Variants in GLB1 observed in about 807,000 individuals in gnomAD.
GLB1 encodes galactosidase beta 1, also known as beta-galactosidase.
In GLB1, 56 loss-of-function variants were observed where a neutral mutation model predicts 74.0. That is an observed-to-expected ratio of 0.76 (90% CI 0.61 to 0.94). The LOEUF (loss-of-function observed/expected upper bound fraction) is 0.94. Ranked by LOEUF, GLB1 falls within the 40% of genes least tolerant of loss-of-function variation. The pLI, the probability that GLB1 is intolerant of heterozygous loss-of-function variation, is 0.00. For synonymous variants in GLB1, 323 were observed against 323.6 expected (o/e 1.00, Z 0.02); for missense variants, 787 against 845.5 (o/e 0.93, Z 0.86).
chr3:33,009,518 C>G (rs1271474166), intron 15 of GLB1, among the ~76,000 whole-genome samples: 1 of 150,790 alleles, frequency 6.6e-6, no homozygotes, highest in Non-Finnish European at 1.5e-5. Context: ...GCAAGACTGT[C>G]TCAAAAAAAT....
the GLB1 span, among the ~76,000 whole-genome samples, chr3:32,978,633 A>G: frequency 6.6e-6 from 1 of 152,226 alleles, no homozygotes; most frequent in Non-Finnish European, 1.5e-5. Context: ...TGCTTGGCCA[A>G]CGGAAGTAAC....
At chr3:33,070,601 T>C (rs1202280430) in intron 2 of GLB1, among the ~76,000 whole-genome samples, 2 of 152,200 alleles carry the variant, frequency 1.3e-5, no homozygotes, top group South Asian at 4.1e-4. Context: ...CCCTGCACTC[T>C]GGGAGGCCAA....
rs1696353148 is a variant in GLB1, at chr3:32,997,360, C to T, written c.1735-16G>A. The T allele has an allele frequency of 1.2e-6, 2 of 1,611,740 alleles. No homozygotes were observed. Among genetic ancestry groups the T allele is most frequent in the African/African-American group, 2.7e-5 (2 of 74,814 alleles). Reference sequence around the variant, plus strand: ...AGACCTGGCCCTGGAGAGAGAGAGACAGAGAACCATCAACCCCAGATGCAC... The same window carrying T: ...AGACCTGGCCCTGGAGAGAGAGAGATAGAGAACCATCAACCCCAGATGCAC... On this transcript the variant is annotated splice_polypyrimidine_tract_variant and intron_variant, in intron 15 of 15. Coordinates refer to ENST00000307363, the MANE Select transcript of GLB1 (RefSeq NM_000404.4).
the GLB1 span, among the ~76,000 whole-genome samples, chr3:32,987,523 C>T: frequency 6.6e-6 from 1 of 152,192 alleles, no homozygotes; most frequent in Non-Finnish European, 1.5e-5. Context: ...TGCCTGGCTG[C>T]CCAGGCCTGG....
At chr3:33,034,389 C>T in intron 10 of GLB1, 1 of 755,208 alleles carries the variant, frequency 1.3e-6, no homozygotes, top group Non-Finnish European at 2.5e-6. Context: ...AGGCAGAAAC[C>T]CAATTACATC....
rs529700970 is a variant in GLB1, at chr3:33,039,126, C to T, written c.1068+6994G>A. 7.6e-4 allele frequency among the ~76,000 whole-genome samples: 115 copies of T among 151,804 alleles called. 1 individual carries two copies. Among genetic ancestry groups the T allele is most frequent in the Admixed American group, 1.2e-3 (18 of 15,236 alleles). On this transcript the variant is annotated intron_variant, in intron 10 of 15. Transcript: ENST00000307363. ...CCAACATGGTGAATCCCCATCTCTA[C>T]TAAAACTATGAAAATCAGCCAGGTG...
chr3:33,051,845 T>C, intron 8 of GLB1, 38 bp downstream of exon 8: 2 of 1,614,180 alleles, frequency 1.2e-6, no homozygotes, highest in South Asian at 2.2e-5. Context: ...AGCCCATGGC[T>C]ACTGAGGGCA....
the GLB1 span, among the ~76,000 whole-genome samples, chr3:32,985,494 G>A: frequency 6.6e-6 from 1 of 152,012 alleles, no homozygotes; most frequent in Non-Finnish European, 1.5e-5. Context: ...GTGTCACCAT[G>A]TGGGTCAGGC....
intron 1 of GLB1, chr3:33,096,428 G>A (rs1313684906): frequency 1.0e-6 from 1 of 980,826 alleles, no homozygotes; most frequent in Non-Finnish European, 1.2e-6. Flanking sequence ...CCCAAACGCC[G>A]AAGGAAAACG....
the GLB1 span, among the ~76,000 whole-genome samples, chr3:32,985,788 C>A: frequency 1.3e-5 from 2 of 152,072 alleles, no homozygotes; most frequent in East Asian, 3.9e-4. Context: ...TCACTGCAAC[C>A]TCCACCTCCC....
chr3:33,016,944 T>C, intron 13 of GLB1, 104 bp from the exon 14 acceptor site: 15 of 1,536,934 alleles, frequency 9.8e-6, no homozygotes, highest in Non-Finnish European at 1.3e-5. Context: ...TGCCTTGAAG[T>C]GTCACCAGAC....
chr3:33,053,692 T>TG, intron 6 of GLB1, 143 bp from the exon 7 acceptor site: 1 of 1,111,484 alleles, frequency 9.0e-7, no homozygotes, highest in Non-Finnish European at 1.3e-6. Context: ...TGTTGGAACT[T>TG]AACACCCAAG....
At chr3:33,027,455 C>G (rs1697820510) in intron 10 of GLB1, among the ~76,000 whole-genome samples, 1 of 152,202 alleles carries the variant, frequency 6.6e-6, no homozygotes, top group South Asian at 2.1e-4. Flanking sequence ...TGGGCCCGAG[C>G]AAAACTCGGG....
In GLB1 at chr3:33,014,270, G is replaced by A. The variant is rs369598326; in HGVS notation, c.1520C>T (p.Thr507Met). The A allele has an allele frequency of 1.1e-5, 18 of 1,614,036 alleles. No individual in the cohort carries two copies. The African/African-American group carries it at 1.7e-4, about 16-fold the overall frequency. ...SNLTLSSNIL[T>M]DWTIFPLDTE... ...GTCCAGTGGAAAGATCGTCCAGTCC[G>A]TGAGGATATTGGAACTGAGAGTCAG... is the stretch of plus-strand genomic sequence containing the variant. The change falls in exon 15 of 16, where the codon ACG (threonine) becomes ATG (methionine). Residue 507 changes from threonine (T) to methionine (M), a missense_variant. Thr to Met is a moderately conservative substitution (Grantham distance 81, BLOSUM62 -1). Transcript: ENST00000307363.
intron 15 of GLB1, among the ~76,000 whole-genome samples, chr3:33,010,796 C>G (rs956890565): frequency 3.3e-5 from 5 of 152,090 alleles, no homozygotes; most frequent in African/African-American, 1.2e-4. Flanking sequence ...TTAATAATTA[C>G]AAGATATTTT....
the GLB1 span, among the ~76,000 whole-genome samples, chr3:32,961,191 G>T: frequency 6.6e-6 from 1 of 152,206 alleles, no homozygotes; most frequent in Non-Finnish European, 1.5e-5. Context: ...CTGAGAAATT[G>T]TGAAACAGCA....
At chr3:33,006,448 GA>G (rs1696794639) in intron 15 of GLB1, among the ~76,000 whole-genome samples, 1 of 152,156 alleles carries the variant, frequency 6.6e-6, no homozygotes, top group Non-Finnish European at 1.5e-5. Context: ...ACAGTCCATG[GA>G]AACAGTGTCT....
intron 10 of GLB1, among the ~76,000 whole-genome samples, chr3:33,042,392 A>G (rs4508727): frequency 0.93 from 117,331 of 126,178 alleles, 55,240 homozygotes; most frequent in East Asian, 1. Flanking sequence ...TTTTTTTTCC[A>G]AGTCTCGCTC....
the GLB1 span, among the ~76,000 whole-genome samples, chr3:32,979,870 A>T: frequency 9.5e-5 from 13 of 137,302 alleles, no homozygotes; most frequent in African/African-American, 1.4e-4. Context: ...AAAAAAAAAA[A>T]AAAAAAAAGA....
Sources: allele counts gnomAD v4.1 joint callset (sites outside exome capture counted in the v4.1 genomes callset), GRCh38; gene constraint gnomAD v4.1.1; transcripts MANE v1.5; gene names NCBI Gene and HGNC (gene_info 2026-07-23, HGNC 2026-07-21).